Variants in CACNA2D3 observed in about 807,000 individuals in gnomAD.
CACNA2D3 encodes the protein voltage-dependent calcium channel subunit alpha-2/delta-3.
Under a neutral mutation model 160.6 loss-of-function variants are expected in CACNA2D3, and 60 were observed. That is an observed-to-expected ratio of 0.37 (90% CI 0.30 to 0.46). CACNA2D3 has a LOEUF of 0.46. Ranked by LOEUF, CACNA2D3 falls within the 20% of genes least tolerant of loss-of-function variation. The pLI, the probability that CACNA2D3 is intolerant of heterozygous loss-of-function variation, is 1.00. For synonymous variants in CACNA2D3, 558 were observed against 492.9 expected (o/e 1.13, Z -1.75); for missense variants, 1,205 against 1,365.0 (o/e 0.88, Z 1.85).
chr3:54,393,277 G>T (rs1371220515), intron 4 of CACNA2D3, among the ~76,000 whole-genome samples: 1 of 152,188 alleles, frequency 6.6e-6, no homozygotes, highest in Non-Finnish European at 1.5e-5. Flanking sequence ...CAGGTGCTCA[G>T]GTCAGCTGAG....
chr3:54,605,536 C>T (rs1473459583), intron 9 of CACNA2D3, among the ~76,000 whole-genome samples: 1 of 152,138 alleles, frequency 6.6e-6, no homozygotes, highest in Admixed American at 6.6e-5. Context: ...CCACAGCAGC[C>T]CATGCTCCCT....
intron 2 of CACNA2D3, among the ~76,000 whole-genome samples, chr3:54,170,059 G>A (rs1225908931): frequency 6.6e-6 from 1 of 151,928 alleles, no homozygotes; most frequent in Non-Finnish European, 1.5e-5. Context: ...GTGGTGGTGG[G>A]CATCTGTAAT....
chr3:54,648,421 A>G (rs1172718227), intron 11 of CACNA2D3, among the ~76,000 whole-genome samples: 1 of 152,242 alleles, frequency 6.6e-6, no homozygotes, highest in African/African-American at 2.4e-5. Context: ...TGAAAAATTT[A>G]CTATCAAGCC....
At chr3:54,841,779 G>A (rs1575506180) in intron 16 of CACNA2D3, among the ~76,000 whole-genome samples, 2 of 152,024 alleles carry the variant, frequency 1.3e-5, no homozygotes, top group Non-Finnish European at 2.9e-5. Context: ...TTAACATAAC[G>A]AGCCATTTTA....
chr3:55,066,981 T>C (rs532255799), intron 35 of CACNA2D3, among the ~76,000 whole-genome samples: 1 of 152,150 alleles, frequency 6.6e-6, no homozygotes, highest in South Asian at 2.1e-4. Context: ...ATACACATTG[T>C]ACACATAAAT....
Position 54,374,241 on chromosome 3 carries a change from G to T in CACNA2D3, c.322-12474G>T, listed in dbSNP as rs115804703. Among the ~76,000 whole-genome samples the T allele has an allele frequency of 2.5e-3, 379 of 152,320 alleles. 3 individuals carry two copies. The highest frequency in any genetic ancestry group is 8.7e-3 in the African/African-American group (363 of 41,574). On this transcript the variant is annotated intron_variant, in intron 3 of 37. Transcript: ENST00000474759. ...CAACGATCTCCGGTGTCTGCAGCAC[G>T]AGTGGGTAATTCGTGGGAGTGTGTC...
chr3:54,777,113 T>C (rs921482573), intron 13 of CACNA2D3, among the ~76,000 whole-genome samples: 1 of 152,226 alleles, frequency 6.6e-6, no homozygotes, highest in African/African-American at 2.4e-5. Flanking sequence ...TCTGTTACTG[T>C]ACACAGGATT....
chr3:54,461,665 C>CT lies in CACNA2D3; in HGVS notation c.382-41820dup, dbSNP rs575505990. On this transcript the variant is annotated intron_variant, in intron 4 of 37. Transcript: ENST00000474759. Reference sequence around the variant, plus strand: ...TATTGCATCTATTTGATTCTTCTCTCTTTTTTTCTTTATTAGTCTTGGTAG... The same window carrying CT: ...TATTGCATCTATTTGATTCTTCTCTCTTTTTTTTCTTTATTAGTCTTGGTAG... Among the ~76,000 whole-genome samples, 1,354 of 151,852 alleles carry CT rather than the reference C, an allele frequency of 8.9e-3. 21 individuals are homozygous for CT. The highest frequency in any genetic ancestry group is 0.013 in the Non-Finnish European group (878 of 67,876).
At chr3:54,157,462 A>C (rs1189909601) in intron 2 of CACNA2D3, among the ~76,000 whole-genome samples, 1 of 152,172 alleles carries the variant, frequency 6.6e-6, no homozygotes, top group Non-Finnish European at 1.5e-5. Context: ...AGGGATAACA[A>C]GTCAAACAAC....
intron 5 of CACNA2D3, among the ~76,000 whole-genome samples, chr3:54,552,475 A>G (rs1294128925): frequency 6.6e-6 from 1 of 152,198 alleles, no homozygotes; most frequent in Admixed American, 6.5e-5. Context: ...TAGCCAGTAA[A>G]TAGAGTTCAA....
intron 4 of CACNA2D3, among the ~76,000 whole-genome samples, chr3:54,499,645 C>A (rs1206114812): frequency 2.0e-5 from 3 of 152,076 alleles, no homozygotes; most frequent in Admixed American, 6.5e-5. Context: ...CTTGAGAATT[C>A]TTTTAAAAGT....
At chr3:55,011,033 A>G (rs906471816) in intron 34 of CACNA2D3, among the ~76,000 whole-genome samples, 8 of 152,242 alleles carry the variant, frequency 5.3e-5, no homozygotes, top group African/African-American at 1.4e-4. Flanking sequence ...TAGGGTCACT[A>G]TAGTCATGGC....
intron 9 of CACNA2D3, among the ~76,000 whole-genome samples, chr3:54,594,371 T>C (rs1303429213): frequency 1.3e-5 from 2 of 152,198 alleles, no homozygotes; most frequent in African/African-American, 4.8e-5. Context: ...CCCTTGAGTC[T>C]TAGTTTTCCA....
At chr3:54,727,058 G>A (rs1701290771) in intron 11 of CACNA2D3, among the ~76,000 whole-genome samples, 1 of 150,748 alleles carries the variant, frequency 6.6e-6, no homozygotes, top group Non-Finnish European at 1.5e-5. Flanking sequence ...GAACTGAAAT[G>A]TATAAGAGAA....
chr3:54,945,176 C>A (rs1405086106), intron 27 of CACNA2D3, among the ~76,000 whole-genome samples: 1 of 152,126 alleles, frequency 6.6e-6, no homozygotes, highest in Non-Finnish European at 1.5e-5. Context: ...TTCAGCCCCT[C>A]CTCCCTCCCT....
intron 2 of CACNA2D3, among the ~76,000 whole-genome samples, chr3:54,279,645 G>A (rs1702824622): frequency 6.6e-6 from 1 of 152,204 alleles, no homozygotes; most frequent in Non-Finnish European, 1.5e-5. Context: ...AGTATGTAGT[G>A]CCAGCAGCCC....
At chr3:54,492,283 C>G (rs1701122594) in intron 4 of CACNA2D3, among the ~76,000 whole-genome samples, 1 of 152,174 alleles carries the variant, frequency 6.6e-6, no homozygotes, top group African/African-American at 2.4e-5. Flanking sequence ...TATAACAAAG[C>G]CAGGACCCTT....
intron 27 of CACNA2D3, among the ~76,000 whole-genome samples, chr3:54,965,738 C>T (rs1481576043): frequency 6.6e-6 from 1 of 152,140 alleles, no homozygotes; most frequent in African/African-American, 2.4e-5. Context: ...GCCAGTGTTA[C>T]TGGAAAGGGG....
At chr3:54,141,373 C>T (rs1376727117) in intron 2 of CACNA2D3, among the ~76,000 whole-genome samples, 2 of 152,092 alleles carry the variant, frequency 1.3e-5, no homozygotes, top group African/African-American at 4.8e-5. Flanking sequence ...ATCATCTTTG[C>T]CTTGTTTATT....
Sources: gnomAD v4.1 joint callset for allele counts (sites outside exome capture counted in the v4.1 genomes callset) on GRCh38, gnomAD v4.1.1 for gene constraint, MANE v1.5 for transcripts, NCBI Gene and HGNC (gene_info 2026-07-23, HGNC 2026-07-21) for gene names.